The following RAG1 variants were observed in gnomAD, a reference collection of about 807,000 sequenced individuals.
The protein encoded by RAG1 is recombination activating 1.
A neutral mutation model predicts 62.7 loss-of-function variants in RAG1; 35 were observed. The observed-to-expected ratio is 0.56, with a 90% CI of 0.43 to 0.74. The LOEUF (loss-of-function observed/expected upper bound fraction) is 0.74. Among genes scored for constraint, RAG1 ranks in the 30% least tolerant of loss-of-function variants. The pLI is 0.00. For missense variants in RAG1, 1,169 were observed against 1,278.6 expected (o/e 0.91, Z 1.31); for synonymous variants, 461 against 470.3 (o/e 0.98, Z 0.26).
At chr11:36,567,723 G>C (rs757525484), upstream of RAG1, among the ~76,000 whole-genome samples, 1 of 152,202 alleles carries the variant, frequency 6.6e-6, no homozygotes, top group Non-Finnish European at 1.5e-5. Context: ...GAGGCACAGA[G>C]ATATAGAACC....
At chr11:36,570,276 A>C (rs1850721563) in intron 1 of RAG1, among the ~76,000 whole-genome samples, 1 of 152,210 alleles carries the variant, frequency 6.6e-6, no homozygotes, top group Non-Finnish European at 1.5e-5. Context: ...ACTCCTCCCA[A>C]GAATGTATGG....
chr11:36,551,241 A>G (rs2133274475), intron 3 of RAG1, among the ~76,000 whole-genome samples: 1 of 151,612 alleles, frequency 6.6e-6, no homozygotes, highest in South Asian at 2.1e-4. Context: ...TGGATTTATG[A>G]CTCCCTTCCT....
downstream of RAG1, among the ~76,000 whole-genome samples, chr11:36,537,441 T>A (rs144982332): frequency 1.2e-3 from 185 of 152,310 alleles, no homozygotes; most frequent in African/African-American, 3.9e-3. Context: ...TTTTTGTGCA[T>A]CAATTTATAT....
intron 1 of RAG1, among the ~76,000 whole-genome samples, chr11:36,572,405 T>C (rs1486468649): frequency 3.9e-5 from 6 of 152,234 alleles, no homozygotes; most frequent in African/African-American, 1.4e-4. Flanking sequence ...CCAATGTTTT[T>C]TACCAGAAGA....
intron 3 of RAG1, among the ~76,000 whole-genome samples, chr11:36,560,016 G>A (rs1306775802): frequency 6.6e-6 from 1 of 152,208 alleles, no homozygotes; most frequent in Non-Finnish European, 1.5e-5. Flanking sequence ...CTTTTGTAGA[G>A]AAAGACTTTT....
chr11:36,530,559 T>G (rs927423379), intron 2 of RAG1, among the ~76,000 whole-genome samples: 5 of 152,028 alleles, frequency 3.3e-5, no homozygotes, highest in Non-Finnish European at 7.4e-5. Flanking sequence ...TTTTAAAATT[T>G]CTTTGAAATT....
chr11:36,568,310 T>G (rs1850689047), intron 1 of RAG1, among the ~76,000 whole-genome samples, 188 bp downstream of exon 1: 1 of 152,100 alleles, frequency 6.6e-6, no homozygotes, highest in African/African-American at 2.4e-5. Context: ...CCACTGAAGG[T>G]TCATAGAAAG....
intron 2 of RAG1, among the ~76,000 whole-genome samples, chr11:36,529,537 A>G (rs1860219452): frequency 1.3e-5 from 2 of 152,186 alleles, no homozygotes. Context: ...AGCCAATATC[A>G]TACTGAATGG....
At chr11:36,516,630 C>G (rs1860001029) in intron 1 of RAG1, among the ~76,000 whole-genome samples, 1 of 152,248 alleles carries the variant, frequency 6.6e-6, no homozygotes, top group Admixed American at 6.5e-5. Context: ...CCGGCAGATT[C>G]AGTTTTTGAA....
intron 3 of RAG1, among the ~76,000 whole-genome samples, chr11:36,559,130 G>GT (rs946422499): frequency 2.3e-4 from 35 of 152,080 alleles, no homozygotes; most frequent in East Asian, 3.9e-4. Context: ...TTGATTGACA[G>GT]TTTTTTTTAT....
rs542736319 is a variant in RAG1, at chr11:36,542,353, A to G, written c.-412+6319A>G. 9.5e-4 allele frequency among the ~76,000 whole-genome samples: 145 copies of G among 152,362 alleles called. No homozygotes were observed. The Middle Eastern group carries it at 0.01, about 11-fold the overall frequency. ...TTGTGAAGGTTGTACACAGGGTAAC[A>G]TAGAGATGCTTGCATAGTTTATTAT... On this transcript the variant is annotated intron_variant and NMD_transcript_variant, in intron 3 of 9. Coordinates refer to the RAG1 transcript ENST00000534663.
chr11:36,545,265 CAT>C (rs1241627431), intron 3 of RAG1, among the ~76,000 whole-genome samples: 4 of 152,016 alleles, frequency 2.6e-5, no homozygotes, highest in African/African-American at 4.8e-5. Flanking sequence ...CCAAAATTCA[CAT>C]GTTAAAGCTT....
intron 2 of RAG1, among the ~76,000 whole-genome samples, chr11:36,529,016 A>C (rs2133254017): frequency 6.6e-6 from 1 of 152,258 alleles, no homozygotes; most frequent in African/African-American, 2.4e-5. Context: ...CTATCAACCA[A>C]AAAAGTCCAG....
rs781632019 is a variant in RAG1, at chr11:36,576,325, T to C, written c.3021T>C (p.Asn1007=). Residue 1007 remains asparagine (N), a synonymous_variant, in exon 2 of 2, where the codon AAT becomes AAC. Coordinates refer to ENST00000299440, the MANE Select transcript of RAG1 (RefSeq NM_000448.3). ...CCAAATACCTCCAGAAGTTTATGAATGCTCATAATGCATTAAAAACCTCTG... is the reference window on the plus strand; with the variant it reads ...CCAAATACCTCCAGAAGTTTATGAACGCTCATAATGCATTAAAAACCTCTG... ...YTSKYLQKFM[N]AHNALKTSGF... 1 of 1,614,090 alleles carries C rather than the reference T, an allele frequency of 6.2e-7. No homozygotes were observed. The highest frequency in any genetic ancestry group is 1.1e-5 in the South Asian group (1 of 91,082).
chr11:36,540,575 T>C (rs1860401695), downstream of RAG1, among the ~76,000 whole-genome samples: 1 of 152,014 alleles, frequency 6.6e-6, no homozygotes, highest in South Asian at 2.1e-4. Context: ...TGGCTAATTT[T>C]TTTTGGATTT....
At chr11:36,516,495 T>G (rs1472129176) in intron 1 of RAG1, among the ~76,000 whole-genome samples, 1 of 152,224 alleles carries the variant, frequency 6.6e-6, no homozygotes, top group Non-Finnish European at 1.5e-5. Context: ...AGAATTTTTT[T>G]GTATTTTTAG....
intron 3 of RAG1, among the ~76,000 whole-genome samples, chr11:36,545,235 A>C (rs1022680745): frequency 9.2e-5 from 14 of 152,176 alleles, no homozygotes; most frequent in Non-Finnish European, 1.9e-4. Context: ...CAGTGAGTGC[A>C]TGGGCTGAAT....
intron 1 of RAG1, among the ~76,000 whole-genome samples, chr11:36,512,392 C>T (rs769014531): frequency 5.9e-5 from 9 of 152,178 alleles, no homozygotes; most frequent in Non-Finnish European, 1.0e-4. Context: ...AGGAAACAAA[C>T]GCCTGTTATT....
intron 1 of RAG1, 66 bp from the exon 2 acceptor site, chr11:36,573,225 A>G: frequency 7.0e-7 from 1 of 1,435,558 alleles, no homozygotes; most frequent in Non-Finnish European, 9.6e-7. Context: ...TATTTTTATT[A>G]TTTATAAGAT....
Sources: allele counts gnomAD v4.1 joint callset (sites outside exome capture counted in the v4.1 genomes callset), GRCh38; gene constraint gnomAD v4.1.1; transcripts MANE v1.5; gene names NCBI Gene and HGNC (gene_info 2026-07-23, HGNC 2026-07-21).